Variants in ENTREP2 observed in about 807,000 individuals in gnomAD.
ENTREP2 encodes protein ENTREP2.
chr15:29,527,151 G>A, the ENTREP2 span, among the ~76,000 whole-genome samples: 1 of 152,072 alleles, frequency 6.6e-6, no homozygotes, highest in Admixed American at 6.6e-5. Context: ...AAATACTGAG[G>A]AAATTCCTCA....
chr15:29,548,563 A>T, the ENTREP2 span, among the ~76,000 whole-genome samples: 1,680 of 152,252 alleles, frequency 0.011, 34 homozygotes, highest in African/African-American at 0.038. Flanking sequence ...AAAATACTGA[A>T]TATACTGAAA....
At chr15:29,550,046 C>T in the ENTREP2 span, among the ~76,000 whole-genome samples, 1 of 152,200 alleles carries the variant, frequency 6.6e-6, no homozygotes, top group Admixed American at 6.5e-5. Context: ...GTTTCTTACC[C>T]TCCAGACACT....
the ENTREP2 span, among the ~76,000 whole-genome samples, chr15:29,390,082 G>T: frequency 6.6e-6 from 1 of 152,144 alleles, no homozygotes; most frequent in East Asian, 1.9e-4. Flanking sequence ...CTCCTCCCTG[G>T]AGAGGCCAGC....
At chr15:29,248,302 A>G in the ENTREP2 span, among the ~76,000 whole-genome samples, 1 of 152,206 alleles carries the variant, frequency 6.6e-6, no homozygotes, top group Non-Finnish European at 1.5e-5. Flanking sequence ...AAAGGAGACA[A>G]TCTTTTTAAG....
At chr15:29,596,064 T>A in the ENTREP2 span, among the ~76,000 whole-genome samples, 1,212 of 152,318 alleles carry the variant, frequency 8.0e-3, 18 homozygotes, top group African/African-American at 0.028. Context: ...GCAGTAGGTA[T>A]GCTCATTGCT....
At chr15:29,618,223 A>G in the ENTREP2 span, among the ~76,000 whole-genome samples, 1 of 152,052 alleles carries the variant, frequency 6.6e-6, no homozygotes, top group Non-Finnish European at 1.5e-5. Flanking sequence ...GGAGTTCGAG[A>G]CCAGCCTGAC....
At chr15:29,494,880 G>T in the ENTREP2 span, among the ~76,000 whole-genome samples, 1 of 152,156 alleles carries the variant, frequency 6.6e-6, no homozygotes, top group East Asian at 1.9e-4. Flanking sequence ...CTGTGTGTTT[G>T]TGTGCATGTG....
chr15:29,426,397 G>A, the ENTREP2 span, among the ~76,000 whole-genome samples: 1 of 151,972 alleles, frequency 6.6e-6, no homozygotes, highest in Admixed American at 6.6e-5. Context: ...CTTGTTTAAC[G>A]CTTATCTTTG....
At chr15:29,358,864 A>T in the ENTREP2 span, among the ~76,000 whole-genome samples, 1 of 152,312 alleles carries the variant, frequency 6.6e-6, no homozygotes, top group African/African-American at 2.4e-5. Flanking sequence ...TCAATCCCTT[A>T]TTTTAAACAA....
the ENTREP2 span, among the ~76,000 whole-genome samples, chr15:29,516,458 T>C: frequency 6.6e-6 from 1 of 152,114 alleles, no homozygotes; most frequent in African/African-American, 2.4e-5. Context: ...CAATACAATA[T>C]CATGTCTATG....
the ENTREP2 span, among the ~76,000 whole-genome samples, chr15:29,633,565 TGGGGAGGGAAAA>T: frequency 1.3e-5 from 2 of 150,048 alleles, no homozygotes; most frequent in Non-Finnish European, 1.5e-5. Flanking sequence ...AATAGAAGGG[TGGGGAGGGAAAA>T]GATCAGCTTC....
At chr15:29,161,180 C>T in the ENTREP2 span, among the ~76,000 whole-genome samples, 1 of 152,314 alleles carries the variant, frequency 6.6e-6, no homozygotes, top group African/African-American at 2.4e-5. Context: ...CTTGACTGCT[C>T]TTTACCTGAC....
the ENTREP2 span, among the ~76,000 whole-genome samples, chr15:29,508,863 C>G: frequency 6.6e-6 from 1 of 152,178 alleles, no homozygotes; most frequent in Non-Finnish European, 1.5e-5. Flanking sequence ...CCCTCTCTCA[C>G]CACTCCTATT....
chr15:29,279,359 A>G, the ENTREP2 span, among the ~76,000 whole-genome samples: 2 of 151,090 alleles, frequency 1.3e-5, no homozygotes, highest in African/African-American at 4.9e-5. Flanking sequence ...TCCTGCTAAA[A>G]TTTAGTTGGG....
chr15:29,231,885 C>CTTTTTTTTTTTTTTTTTTTTTTTTTT, the ENTREP2 span, among the ~76,000 whole-genome samples: 1 of 129,952 alleles, frequency 7.7e-6, no homozygotes, highest in Non-Finnish European at 1.6e-5. Context: ...GTTTTCTTTT[C>CTTTTTTTTTTTTTTTTTTTTTTTTTT]TTTTCTTTCT....
At chr15:29,158,885 G>A in the ENTREP2 span, among the ~76,000 whole-genome samples, 1 of 152,132 alleles carries the variant, frequency 6.6e-6, no homozygotes, top group African/African-American at 2.4e-5. Flanking sequence ...AGATACTTGG[G>A]CAAAGCTACA....
the ENTREP2 span, among the ~76,000 whole-genome samples, chr15:29,240,497 A>G: frequency 1.3e-5 from 2 of 152,178 alleles, no homozygotes; most frequent in Non-Finnish European, 2.9e-5. Flanking sequence ...GCTGATTATA[A>G]AAGGGCTTGA....
the ENTREP2 span, among the ~76,000 whole-genome samples, chr15:29,595,671 C>T: frequency 6.6e-4 from 100 of 152,248 alleles, no homozygotes; most frequent in Admixed American, 6.0e-3. Context: ...CTCTTCTTCA[C>T]TGTGTCTTTA....
the ENTREP2 span, among the ~76,000 whole-genome samples, chr15:29,149,025 T>C: frequency 2.0e-5 from 3 of 152,176 alleles, no homozygotes; most frequent in African/African-American, 7.2e-5. Flanking sequence ...TATCGGCATG[T>C]GCCACCATGC....
Sources: allele counts gnomAD v4.1 joint callset (sites outside exome capture counted in the v4.1 genomes callset), GRCh38; gene constraint gnomAD v4.1.1; transcripts MANE v1.5; gene names NCBI Gene and HGNC (gene_info 2026-07-23, HGNC 2026-07-21).